ZNF69: variants seen among roughly 807,000 people sequenced by gnomAD.
The protein encoded by ZNF69 is zinc finger protein 69.
A neutral mutation model predicts 50.9 loss-of-function variants in ZNF69; 47 were observed. The ratio of observed to expected loss-of-function variants is 0.92; its 90% CI spans 0.73 to 1.18. ZNF69 has a LOEUF of 1.18. ZNF69 is among the 50% of genes most tolerant of loss of function. ZNF69 has a pLI of 0.00. For missense variants in ZNF69, 717 were observed against 675.1 expected, an observed-to-expected ratio of 1.06 and a Z score of -0.69; for synonymous variants, 216 against 223.1, an observed-to-expected ratio of 0.97 and a Z score of 0.29.
chr19:11,925,320 G>C, the ZNF69 span: 1 of 1,602,384 alleles, frequency 6.2e-7, no homozygotes, highest in Non-Finnish European at 8.5e-7. Context: ...GGGGCTGCCT[G>C]GAACAGGCGG....
chr19:11,930,713 T>C, the ZNF69 span, among the ~76,000 whole-genome samples: 2 of 148,152 alleles, frequency 1.3e-5, no homozygotes, highest in Admixed American at 6.6e-5. Flanking sequence ...CTTAAATAGA[T>C]GCCCAGACTG....
At chr19:11,899,553 A>G (rs1045967506) in intron 1 of ZNF69, among the ~76,000 whole-genome samples, 1 of 152,188 alleles carries the variant, frequency 6.6e-6, no homozygotes, top group African/African-American at 2.4e-5. Flanking sequence ...AGTTCCCAGC[A>G]CACGGGAGAC....
At chr19:11,896,217 TAA>T (rs138289885) in intron 1 of ZNF69, among the ~76,000 whole-genome samples, 740 of 63,836 alleles carry the variant, frequency 0.012, 3 homozygotes, top group Middle Eastern at 0.034. Flanking sequence ...GAAACTCCAT[TAA>T]AAAAAAAAAA....
At chr19:11,952,707 G>A in the ZNF69 span, among the ~76,000 whole-genome samples, 2 of 152,216 alleles carry the variant, frequency 1.3e-5, no homozygotes, top group Non-Finnish European at 2.9e-5. Flanking sequence ...ATCCTCATCA[G>A]TGAAGGGTGG....
At chr19:11,901,978 C>CTTTT (rs58505422) in intron 1 of ZNF69, among the ~76,000 whole-genome samples, 30 of 119,108 alleles carry the variant, frequency 2.5e-4, no homozygotes, top group African/African-American at 4.3e-4. Context: ...ATGTTATTTT[C>CTTTT]TTTTTTTTTT....
At chr19:11,942,285 A>G in the ZNF69 span, among the ~76,000 whole-genome samples, 4 of 151,504 alleles carry the variant, frequency 2.6e-5, no homozygotes, top group Non-Finnish European at 5.9e-5. Context: ...TAACAATGTC[A>G]TCAAAGATTA....
chr19:11,941,958 A>C, the ZNF69 span, among the ~76,000 whole-genome samples: 1 of 132,642 alleles, frequency 7.5e-6, no homozygotes, highest in Non-Finnish European at 1.6e-5. Context: ...AAGGTTGTAT[A>C]GTGGTTGAAT....
intron 1 of ZNF69, among the ~76,000 whole-genome samples, 196 bp from the exon 2 acceptor site, chr19:11,903,377 C>A (rs1346134437): frequency 1.3e-5 from 2 of 152,196 alleles, no homozygotes; most frequent in African/African-American, 4.8e-5. Context: ...CATTGCACTC[C>A]AGCCTGGGCA....
chr19:11,938,046 C>T, the ZNF69 span, among the ~76,000 whole-genome samples: 1 of 151,984 alleles, frequency 6.6e-6, no homozygotes, highest in South Asian at 2.1e-4. Context: ...GATACCTTTT[C>T]TGCCTCTATT....
chr19:11,924,440 A>T, the ZNF69 span, among the ~76,000 whole-genome samples: 6 of 151,866 alleles, frequency 4.0e-5, no homozygotes, highest in Non-Finnish European at 8.8e-5. Flanking sequence ...TCAAAAAAAA[A>T]AAAAAAAAAA....
chr19:11,907,295 C>G (rs1264370346), downstream of ZNF69, among the ~76,000 whole-genome samples: 1 of 152,112 alleles, frequency 6.6e-6, no homozygotes, highest in Non-Finnish European at 1.5e-5. Context: ...CAAGGCAGAC[C>G]AACATTCAAA....
At position 11,905,110 on chromosome 19, in the gene ZNF69, A is replaced by G. The variant is rs779386069; in HGVS notation, c.713A>G (p.His238Arg). 3.7e-6 allele frequency: 6 copies of G among 1,614,188 alleles called. No individual in the cohort carries two copies. The highest frequency in any genetic ancestry group is 5.1e-6 in the Non-Finnish European group (6 of 1,180,028). Residue 238 changes from histidine to arginine, a missense_variant, in exon 4 of 4, where the codon CAT becomes CGT. Physicochemically the swap from His to Arg is conservative, Grantham distance 29. Coordinates refer to ENST00000429654, the MANE Select transcript of ZNF69 (RefSeq NM_001364730.1). The part of the protein sequence containing the change: ...AFHCLSLYLI[H>R]ERIHTGEKPY... ...CATTGTCTCAGTTTATATCTTATCCATGAAAGAATTCACACTGGAGAGAAA... is the reference window on the plus strand; with the variant it reads ...CATTGTCTCAGTTTATATCTTATCCGTGAAAGAATTCACACTGGAGAGAAA...
At chr19:11,973,064 T>C in the ZNF69 span, among the ~76,000 whole-genome samples, 27 of 152,214 alleles carry the variant, frequency 1.8e-4, no homozygotes, top group African/African-American at 6.3e-4. Flanking sequence ...TCTTTTACAT[T>C]AAACTTCACT....
exon 5 of ZNF69, chr19:11,913,463 G>T: frequency 2.0e-6 from 1 of 488,684 alleles, no homozygotes; most frequent in South Asian, 3.4e-5. Context: ...ATCTCAGGTC[G>T]CTGCAACCTC....
At chr19:11,979,848 A>T in the ZNF69 span, 1 of 1,521,678 alleles carries the variant, frequency 6.6e-7, no homozygotes, top group African/African-American at 1.4e-5. Context: ...CTTCGAATTC[A>T]TGAAAGGACA....
chr19:11,976,982 G>A, the ZNF69 span: 6 of 1,609,574 alleles, frequency 3.7e-6, no homozygotes, highest in Non-Finnish European at 5.1e-6. Flanking sequence ...ATAGAGTCTA[G>A]GCCCCCACTG....
chr19:11,947,176 T>G, the ZNF69 span: 1 of 1,613,560 alleles, frequency 6.2e-7, no homozygotes, highest in South Asian at 1.1e-5. Context: ...TGTGAGATGT[T>G]TCAGGACCCA....
At chr19:11,917,552 A>G (rs1215526313), downstream of ZNF69, among the ~76,000 whole-genome samples, 2 of 152,184 alleles carry the variant, frequency 1.3e-5, no homozygotes, top group East Asian at 3.9e-4. Context: ...CAGGCTGCCT[A>G]CCTGAGCTGC....
chr19:11,975,483 C>T, the ZNF69 span, among the ~76,000 whole-genome samples: 55 of 152,064 alleles, frequency 3.6e-4, no homozygotes, highest in East Asian at 9.8e-3. Flanking sequence ...CTGCAAGTTC[C>T]GCTTCCCGGG....
Sources: gnomAD v4.1 joint callset for allele counts (sites outside exome capture counted in the v4.1 genomes callset) on GRCh38, gnomAD v4.1.1 for gene constraint, MANE v1.5 for transcripts, NCBI Gene and HGNC (gene_info 2026-07-23, HGNC 2026-07-21) for gene names.